The following TRPC4 variants were observed in gnomAD, a reference collection of about 807,000 sequenced individuals.
TRPC4 encodes the protein transient receptor potential cation channel subfamily C member 4, also known as short transient receptor potential channel 4.
Under a neutral mutation model 99.4 loss-of-function variants are expected in TRPC4, and 49 were observed. That is an observed-to-expected ratio of 0.49 (90% confidence interval 0.39 to 0.63). The LOEUF (loss-of-function observed/expected upper bound fraction) is 0.63, where lower values mean the gene tolerates loss of function less well. Ranked by LOEUF, TRPC4 falls within the 20% of genes least tolerant of loss-of-function variation. The probability of loss-of-function intolerance (pLI) is 0.00; values close to 1 mark genes in which losing one functional copy is unlikely to be tolerated. For missense variants in TRPC4, 898 were observed against 1,152.9 expected, an observed-to-expected ratio of 0.78 and a Z score of 3.20; for synonymous variants, 454 against 425.9, an observed-to-expected ratio of 1.07 and a Z score of -0.81.
At chr13:37,686,346 A>G (rs987113253) in intron 4 of TRPC4, among the ~76,000 whole-genome samples, 1 of 152,042 alleles carries the variant, frequency 6.6e-6, no homozygotes, top group African/African-American at 2.4e-5. Context: ...ATGTGTATAT[A>G]TGTGTCTGTA....
intron 3 of TRPC4, among the ~76,000 whole-genome samples, chr13:37,720,444 G>A (rs982916720): frequency 6.6e-6 from 1 of 151,856 alleles, no homozygotes; most frequent in Admixed American, 6.6e-5. Context: ...GAGCAATGAG[G>A]TTATTATTAG....
intron 4 of TRPC4, among the ~76,000 whole-genome samples, chr13:37,682,984 T>C (rs540388753): frequency 1.3e-5 from 2 of 150,638 alleles, no homozygotes; most frequent in African/African-American, 4.9e-5. Flanking sequence ...AGGCTGGTCT[T>C]GAACTCCTGG....
chr13:37,718,520 C>T (rs569563992), intron 3 of TRPC4, among the ~76,000 whole-genome samples: 1 of 151,698 alleles, frequency 6.6e-6, no homozygotes, highest in Non-Finnish European at 1.5e-5. Context: ...CTCAAGATGG[C>T]AAATGAAAAA....
At chr13:37,847,115 A>C (rs1958927805) in intron 1 of TRPC4, among the ~76,000 whole-genome samples, 1 of 152,066 alleles carries the variant, frequency 6.6e-6, no homozygotes, top group Admixed American at 6.6e-5. Flanking sequence ...TCGATACTCC[A>C]CTTTTAAAAA....
At chr13:37,710,678 T>C (rs185641496) in intron 3 of TRPC4, among the ~76,000 whole-genome samples, 18 of 152,082 alleles carry the variant, frequency 1.2e-4, no homozygotes, top group African/African-American at 4.3e-4. Context: ...AACACATTAT[T>C]TGTCCCTTAT....
intron 1 of TRPC4, among the ~76,000 whole-genome samples, chr13:37,840,219 T>C (rs1302610501): frequency 6.6e-6 from 1 of 152,098 alleles, no homozygotes; most frequent in Non-Finnish European, 1.5e-5. Context: ...CACAACTTTC[T>C]AGGTTTTTCA....
chr13:37,698,853 A>T (rs2138919981), intron 3 of TRPC4, among the ~76,000 whole-genome samples: 1 of 152,334 alleles, frequency 6.6e-6, no homozygotes, highest in South Asian at 2.1e-4. Context: ...AGTGGGCATG[A>T]GAAACATGAG....
chr13:37,660,096 A>G (rs1382627212), intron 6 of TRPC4, among the ~76,000 whole-genome samples: 1 of 152,184 alleles, frequency 6.6e-6, no homozygotes, highest in Non-Finnish European at 1.5e-5. Context: ...GAGTTTTCAT[A>G]GGGGTACTGT....
At chr13:37,824,483 G>C (rs1392245357) in intron 1 of TRPC4, among the ~76,000 whole-genome samples, 1 of 151,930 alleles carries the variant, frequency 6.6e-6, no homozygotes, top group African/African-American at 2.4e-5. Flanking sequence ...TTAGCATGAA[G>C]GGTTGTTGAA....
intron 1 of TRPC4, among the ~76,000 whole-genome samples, chr13:37,859,173 A>ACTGATTTATTTATTCATTTTG (rs1959201976): frequency 1.3e-5 from 2 of 151,620 alleles, no homozygotes; most frequent in Non-Finnish European, 3.0e-5. Flanking sequence ...AGAGCTGTAA[A>ACTGATTTATTTATTCATTTTG]TAAAATATAC....
At chr13:37,689,057 C>T (rs367824212) in intron 4 of TRPC4, among the ~76,000 whole-genome samples, 18 of 152,264 alleles carry the variant, frequency 1.2e-4, no homozygotes, top group African/African-American at 4.3e-4. Context: ...TTAACGCATT[C>T]CTACTCTGAT....
At position 37,815,618 on chromosome 13, in the gene TRPC4, G is replaced by A. The variant is rs537079401; in HGVS notation, c.-27-32258C>T. Among the ~76,000 whole-genome samples, 7 of 151,816 alleles carry A rather than the reference G, an allele frequency of 4.6e-5. No individual in the cohort carries two copies. In the East Asian group the frequency reaches 1.2e-3, roughly 25 times the overall value. Reference sequence around the variant, plus strand: ...CAAGAGGCACTCAGATTCATAAAACGAGTTCTTAGAAACCTACAAAGAGAC... The same window carrying A: ...CAAGAGGCACTCAGATTCATAAAACAAGTTCTTAGAAACCTACAAAGAGAC... On this transcript the variant is annotated intron_variant, in intron 1 of 10. Transcript: ENST00000379705.
At chr13:37,711,101 A>C (rs1176125394) in intron 3 of TRPC4, among the ~76,000 whole-genome samples, 4 of 152,004 alleles carry the variant, frequency 2.6e-5, no homozygotes, top group Non-Finnish European at 5.9e-5. Context: ...ATGTGTTTAG[A>C]TAAAATAGTA....
chr13:37,754,061 T>C (rs1315456318), intron 2 of TRPC4, among the ~76,000 whole-genome samples: 1 of 152,102 alleles, frequency 6.6e-6, no homozygotes, highest in African/African-American at 2.4e-5. Context: ...CAATTATCAG[T>C]TAATTATCAA....
chr13:37,779,564 C>A (rs978973250), intron 2 of TRPC4, among the ~76,000 whole-genome samples: 1 of 151,944 alleles, frequency 6.6e-6, no homozygotes, highest in Non-Finnish European at 1.5e-5. Flanking sequence ...TTGAGAAAAT[C>A]ATTTAATATA....
chr13:37,637,074 T>G lies in TRPC4; in HGVS notation c.2763A>C (p.Leu921Phe). The G allele has an allele frequency of 6.2e-7, 1 of 1,613,788 alleles. No homozygotes were observed. Among genetic ancestry groups the G allele is most frequent in the Non-Finnish European group, 8.5e-7 (1 of 1,179,790 alleles). ...HRERNTDTLG[L>F]QVGKRVCPFK... ...ATGGACACACTCTCTTTCCTACCTGTAACCCCAGTGTGTCCGTATTCCTTT... is the reference window on the plus strand; with the variant it reads ...ATGGACACACTCTCTTTCCTACCTGGAACCCCAGTGTGTCCGTATTCCTTT... The change falls in exon 11 of 11, where the codon TTA becomes TTC. Residue 921 changes from leucine (L) to phenylalanine (F), a missense_variant. Leu to Phe is a conservative substitution (Grantham distance 22). Transcript: ENST00000379705.
intron 2 of TRPC4, among the ~76,000 whole-genome samples, chr13:37,755,067 C>A (rs1004866492): frequency 6.6e-6 from 1 of 151,960 alleles, no homozygotes. Context: ...CATGTTTGAA[C>A]CATTATTAAT....
At chr13:37,650,727 C>T (rs2138609844) in intron 8 of TRPC4, among the ~76,000 whole-genome samples, 1 of 152,218 alleles carries the variant, frequency 6.6e-6, no homozygotes, top group South Asian at 2.1e-4. Context: ...TCTGGAATCA[C>T]ACTTAACAGT....
intron 3 of TRPC4, among the ~76,000 whole-genome samples, chr13:37,735,757 C>G (rs1955377306): frequency 6.6e-6 from 1 of 152,124 alleles, no homozygotes; most frequent in Non-Finnish European, 1.5e-5. Context: ...AAAGCTGCAT[C>G]ATAAAGAGCT....
Sources: allele counts gnomAD v4.1 joint callset (sites outside exome capture counted in the v4.1 genomes callset), GRCh38; gene constraint gnomAD v4.1.1; transcripts MANE v1.5; gene names NCBI Gene and HGNC (gene_info 2026-07-23, HGNC 2026-07-21).